The following ZFYVE9 variants were observed in gnomAD, a reference collection of about 807,000 sequenced individuals.
ZFYVE9 encodes zinc finger FYVE-type containing 9, also known as zinc finger FYVE domain-containing protein 9.
In ZFYVE9, 43 loss-of-function variants were observed where a neutral mutation model predicts 126.7. That is an observed-to-expected ratio of 0.34 (90% CI 0.27 to 0.44). The LOEUF (loss-of-function observed/expected upper bound fraction) is 0.44. ZFYVE9 is among the 20% of genes least tolerant of loss of function. The pLI, the probability that ZFYVE9 is intolerant of heterozygous loss-of-function variation, is 1.00. For missense variants in ZFYVE9, 1,476 were observed against 1,697.0 expected (o/e 0.87, Z 2.29); for synonymous variants, 521 against 597.4 (o/e 0.87, Z 1.87).
chr1:52,282,453 A>G (rs1645814272), intron 10 of ZFYVE9, among the ~76,000 whole-genome samples: 1 of 152,204 alleles, frequency 6.6e-6, no homozygotes. Context: ...TAATTGAACT[A>G]TTCTCGTTTA....
At chr1:52,160,963 C>T (rs1036319004) in intron 1 of ZFYVE9, among the ~76,000 whole-genome samples, 16 of 152,108 alleles carry the variant, frequency 1.1e-4, no homozygotes, top group Admixed American at 3.9e-4. Context: ...ATTTCTAGTG[C>T]AGTTTGAGAT....
intron 5 of ZFYVE9, among the ~76,000 whole-genome samples, chr1:52,264,243 G>C (rs1645611739): frequency 6.6e-6 from 1 of 152,182 alleles, no homozygotes; most frequent in Non-Finnish European, 1.5e-5. Context: ...CCTTTTAAGA[G>C]AAGCCATCTC....
At chr1:52,261,226 C>CTTT (rs954031127) in intron 4 of ZFYVE9, among the ~76,000 whole-genome samples, 9 of 132,118 alleles carry the variant, frequency 6.8e-5, no homozygotes, top group Non-Finnish European at 3.3e-5. Flanking sequence ...TTCTTTCTTT[C>CTTT]TTTTTTTTTT....
chr1:52,332,875 C>G lies in ZFYVE9; in HGVS notation c.3546C>G (p.Asn1182Lys), dbSNP rs540633246. ...HLVCVQNDDG[N>K]YQTQAISIHN... ...TGTGTGTACAGAATGATGATGGAAA[C>G]TATCAGACCCAGGCTATCAGTATTC... Residue 1182 changes from asparagine (N) to lysine (K), a missense_variant, in exon 14 of 19, where the codon AAC becomes AAG. Physicochemically the swap from Asn to Lys is moderately conservative, Grantham distance 94 (BLOSUM62 0). This residue lies in a region of ZFYVE9 where 669 missense variants were observed against 902.4 expected (regional missense o/e 0.74). Coordinates refer to ENST00000287727, the MANE Select transcript of ZFYVE9 (RefSeq NM_004799.4). 24 of 1,614,108 alleles carry G rather than the reference C, an allele frequency of 1.5e-5. No individual in the cohort carries two copies. The South Asian group carries it at 2.4e-4, about 16-fold the overall frequency.
rs115236989 is a variant in ZFYVE9, at chr1:52,296,124, T to C, written c.3333+147T>C. 1,377 of 543,216 alleles carry C rather than the reference T, an allele frequency of 2.5e-3. 16 individuals are homozygous for C. The highest frequency in any genetic ancestry group is 0.024 in the African/African-American group (1,250 of 51,774). 33.6% of individuals were successfully genotyped at this position (543,216 alleles called of 1,614,324 possible). On this transcript the variant is annotated intron_variant, in intron 12 of 18. Transcript: ENST00000287727. ...CTGAAGAAAAAGAACAGTATATGTA[T>C]GTGTATATATATATATACACACACA...
rs540814425 is a variant in ZFYVE9, at chr1:52,262,265, A to G, written c.2179-1508A>G. Among the ~76,000 whole-genome samples the G allele has an allele frequency of 2.6e-5, 4 of 152,228 alleles. No individual in the cohort carries two copies. In the East Asian group the frequency reaches 5.8e-4, roughly 22 times the overall value. On this transcript the variant is annotated intron_variant, in intron 4 of 18. Coordinates refer to ENST00000287727, the MANE Select transcript of ZFYVE9 (RefSeq NM_004799.4). ...CCCATATGCCCCACTACCTAATACC[A>G]TCTCTTTTGGGGTTAAGATTTCAAC...
At chr1:52,332,590 G>A (rs1394587526) in intron 13 of ZFYVE9, among the ~76,000 whole-genome samples, 178 bp from the exon 14 acceptor site, 1 of 152,126 alleles carries the variant, frequency 6.6e-6, no homozygotes, top group Non-Finnish European at 1.5e-5. Context: ...GGGAATTTTT[G>A]TGTACATTGA....
intron 1 of ZFYVE9, among the ~76,000 whole-genome samples, chr1:52,211,530 G>T (rs544365798): frequency 6.6e-6 from 1 of 152,306 alleles, no homozygotes; most frequent in South Asian, 2.1e-4. Flanking sequence ...TGGCAGAAAT[G>T]TTAAGAAGTT....
intron 4 of ZFYVE9, among the ~76,000 whole-genome samples, chr1:52,248,469 G>A (rs1421491186): frequency 6.6e-6 from 1 of 152,158 alleles, no homozygotes; most frequent in Non-Finnish European, 1.5e-5. Flanking sequence ...CCAGTCCACT[G>A]ACTCAAATGT....
At position 52,293,784 on chromosome 1, in the gene ZFYVE9, A is replaced by G. The variant is rs1435427537; in HGVS notation, c.3250+107A>G. 8.0e-6 allele frequency: 9 copies of G among 1,121,142 alleles called. No individual in the cohort carries two copies. The East Asian group carries it at 2.3e-4, about 29-fold the overall frequency. The allele number at this position is 1,121,142 out of a possible 1,614,324, so 69.4% of individuals were successfully genotyped here. ...AATTCAGCAGAAATAGTCTTTTGAA[A>G]TAGCTAAACTAAATTTGGCCAGTGT... On this transcript the variant is annotated intron_variant, in intron 11 of 18. Coordinates refer to ENST00000287727, the MANE Select transcript of ZFYVE9 (RefSeq NM_004799.4).
At chr1:52,151,679 C>A (rs576125691) in intron 1 of ZFYVE9, among the ~76,000 whole-genome samples, 5 of 151,894 alleles carry the variant, frequency 3.3e-5, no homozygotes, top group East Asian at 3.9e-4. Flanking sequence ...CTACACCTGG[C>A]TAATTTTTTG....
At chr1:52,283,278 G>T (rs1267389907) in intron 10 of ZFYVE9, among the ~76,000 whole-genome samples, 1 of 152,186 alleles carries the variant, frequency 6.6e-6, no homozygotes, top group African/African-American at 2.4e-5. Context: ...TTTTGAGAGT[G>T]TGTTAGAGAC....
intron 7 of ZFYVE9, among the ~76,000 whole-genome samples, chr1:52,272,644 A>T (rs568270254): frequency 6.8e-6 from 1 of 147,512 alleles, no homozygotes; most frequent in Non-Finnish European, 1.5e-5. Context: ...TTTGGCTATT[A>T]TGAATGAAAT....
intron 1 of ZFYVE9, among the ~76,000 whole-genome samples, chr1:52,214,251 A>T (rs1645052617): frequency 6.6e-6 from 1 of 151,944 alleles, no homozygotes; most frequent in African/African-American, 2.4e-5. Context: ...ACACAGTGAA[A>T]CCCTTTCTCT....
At chr1:52,156,939 T>G (rs1165639162) in intron 1 of ZFYVE9, among the ~76,000 whole-genome samples, 4 of 152,034 alleles carry the variant, frequency 2.6e-5, no homozygotes, top group African/African-American at 9.7e-5. Flanking sequence ...TTCACACCAT[T>G]CTCTTGCCTC....
At chr1:52,166,103 G>A (rs543877522) in intron 1 of ZFYVE9, among the ~76,000 whole-genome samples, 3 of 152,258 alleles carry the variant, frequency 2.0e-5, no homozygotes, top group Admixed American at 6.5e-5. Context: ...GACTTTACTC[G>A]AGTTGAGATT....
At chr1:52,269,229 A>G (rs1645663762) in intron 7 of ZFYVE9, among the ~76,000 whole-genome samples, 1 of 152,088 alleles carries the variant, frequency 6.6e-6, no homozygotes, top group Non-Finnish European at 1.5e-5. Context: ...TCCCAGGTTC[A>G]AGCAATTCTC....
At chr1:52,185,042 C>T (rs1024847583) in intron 1 of ZFYVE9, among the ~76,000 whole-genome samples, 5 of 152,296 alleles carry the variant, frequency 3.3e-5, no homozygotes, top group East Asian at 1.9e-4. Context: ...AGTCTGATGA[C>T]GTACAACATT....
intron 8 of ZFYVE9, among the ~76,000 whole-genome samples, chr1:52,277,734 T>C (rs558622768): frequency 3.3e-4 from 51 of 152,334 alleles, no homozygotes; most frequent in African/African-American, 1.2e-3. Context: ...CTCTAGGTTC[T>C]ACAGTGATTA....
Sources: gnomAD v4.1 joint callset for allele counts (sites outside exome capture counted in the v4.1 genomes callset) on GRCh38, gnomAD v4.1.1 for gene constraint, gnomAD v4.1.1 regional missense constraint, MANE v1.5 for transcripts, NCBI Gene and HGNC (gene_info 2026-07-23, HGNC 2026-07-21) for gene names.